CSMD1: variants seen among roughly 807,000 people sequenced by gnomAD.
CSMD1 encodes CUB and Sushi multiple domains 1, also known as CUB and sushi domain-containing protein 1.
Under a neutral mutation model 417.5 loss-of-function variants are expected in CSMD1, and 213 were observed. The ratio of observed to expected loss-of-function variants is 0.51; its 90% confidence interval spans 0.46 to 0.57. The LOEUF (loss-of-function observed/expected upper bound fraction) is 0.57, where lower values mean the gene tolerates loss of function less well. Among genes scored for constraint, CSMD1 ranks in the 20% least tolerant of loss-of-function variants. The pLI is 0.00. For synonymous variants in CSMD1, 2,862 were observed against 1,736.8 expected (o/e 1.65, Z -16.11); for missense variants, 6,923 against 4,529.7 (o/e 1.53, Z -15.17).
chr8:3,622,962 A>G (rs542194781), intron 7 of CSMD1, among the ~76,000 whole-genome samples: 9 of 152,228 alleles, frequency 5.9e-5, no homozygotes, highest in Non-Finnish European at 1.2e-4. Flanking sequence ...TTGTTGAATT[A>G]TATCTTTTCA....
At position 3,409,528 on chromosome 8, in the gene CSMD1, C is replaced by G. The variant is rs772952922; in HGVS notation, c.1639G>C (p.Asp547His). ...KRTGSSFLHG[D>H]TLTFECPAAF... Reference sequence around the variant, plus strand: ...GCCGGGCATTCAAAGGTGAGTGTATCTCCATGGAGGAAACTGCTGCCCGTC... The same window carrying G: ...GCCGGGCATTCAAAGGTGAGTGTATGTCCATGGAGGAAACTGCTGCCCGTC... Residue 547 changes from aspartate to histidine, a missense_variant, in exon 13 of 70, where the codon GAT (aspartate) becomes CAT (histidine). Physicochemically the swap from Asp to His is moderately conservative, Grantham distance 81. Transcript: ENST00000635120. The G allele has an allele frequency of 2.9e-5, 46 of 1,611,338 alleles. 3 individuals are homozygous for G. In the South Asian group the frequency reaches 4.3e-4, roughly 15 times the overall value.
chr8:4,294,138 G>C (rs903581336), intron 3 of CSMD1, among the ~76,000 whole-genome samples: 1 of 152,144 alleles, frequency 6.6e-6, no homozygotes, highest in East Asian at 1.9e-4. Context: ...ACTGACGTCT[G>C]ATTAACCCCG....
intron 1 of CSMD1, among the ~76,000 whole-genome samples, chr8:4,821,983 A>T (rs1214378056): frequency 6.6e-6 from 1 of 152,038 alleles, no homozygotes. Context: ...CGTAAAATAA[A>T]GTTCCTCTGT....
chr8:3,679,287 C>T (rs1799532884), intron 7 of CSMD1, among the ~76,000 whole-genome samples: 2 of 152,070 alleles, frequency 1.3e-5, no homozygotes, highest in Admixed American at 1.3e-4. Flanking sequence ...ATTCAGGAAA[C>T]CCATCTCATG....
intron 37 of CSMD1, among the ~76,000 whole-genome samples, chr8:3,175,309 T>G (rs1029022263): frequency 6.6e-6 from 1 of 152,194 alleles, no homozygotes; most frequent in Non-Finnish European, 1.5e-5. Flanking sequence ...TTACCTCTTT[T>G]TTCCTCATAA....
intron 4 of CSMD1, among the ~76,000 whole-genome samples, chr8:4,012,063 C>A (rs959811161): frequency 6.6e-6 from 1 of 151,994 alleles, no homozygotes; most frequent in South Asian, 2.1e-4. Context: ...ACAGATGCAG[C>A]CATCATATGC....
chr8:4,097,775 A>C (rs1472866645), intron 3 of CSMD1, among the ~76,000 whole-genome samples: 1 of 152,214 alleles, frequency 6.6e-6, no homozygotes, highest in Non-Finnish European at 1.5e-5. Flanking sequence ...GTAAGTACGA[A>C]CATTAGTTTT....
intron 2 of CSMD1, among the ~76,000 whole-genome samples, chr8:4,430,914 A>G (rs1314811105): frequency 1.3e-5 from 2 of 152,194 alleles, no homozygotes; most frequent in Non-Finnish European, 2.9e-5. Flanking sequence ...AGGATCCATA[A>G]ATTATCTTAA....
At chr8:4,032,262 C>T (rs1367032940) in intron 3 of CSMD1, among the ~76,000 whole-genome samples, 163 bp from the exon 4 acceptor site, 1 of 152,182 alleles carries the variant, frequency 6.6e-6, no homozygotes, top group Non-Finnish European at 1.5e-5. Context: ...AAAATGTCTT[C>T]AGGTTTTAGA....
chr8:3,521,367 G>C (rs1207439623), intron 10 of CSMD1, among the ~76,000 whole-genome samples: 1 of 152,016 alleles, frequency 6.6e-6, no homozygotes. Context: ...CTCCCATGAT[G>C]TCAGCCCTGT....
At chr8:4,096,077 G>A (rs1444600803) in intron 3 of CSMD1, among the ~76,000 whole-genome samples, 1 of 152,180 alleles carries the variant, frequency 6.6e-6, no homozygotes, top group Admixed American at 6.5e-5. Context: ...GTTGTTTTAT[G>A]TTATATGTTA....
chr8:4,383,369 G>T (rs548773762), intron 3 of CSMD1, among the ~76,000 whole-genome samples: 2 of 152,128 alleles, frequency 1.3e-5, no homozygotes, highest in South Asian at 4.1e-4. Context: ...TTTTGCTTAT[G>T]GAAATGTTTA....
chr8:4,737,497 A>G (rs1161893268), intron 1 of CSMD1, among the ~76,000 whole-genome samples: 1 of 152,148 alleles, frequency 6.6e-6, no homozygotes, highest in Non-Finnish European at 1.5e-5. Flanking sequence ...TAAAATAACA[A>G]TTAAAAAAAA....
At chr8:4,062,865 G>C (rs1364876298) in intron 3 of CSMD1, among the ~76,000 whole-genome samples, 2 of 151,390 alleles carry the variant, frequency 1.3e-5, no homozygotes, top group Non-Finnish European at 2.9e-5. Flanking sequence ...AGAAATGAAA[G>C]CCTGTACGTA....
intron 2 of CSMD1, among the ~76,000 whole-genome samples, chr8:4,582,606 A>G (rs894004837): frequency 1.3e-5 from 2 of 152,200 alleles, no homozygotes; most frequent in Non-Finnish European, 2.9e-5. Context: ...AGGGCTACAC[A>G]TTAGCAAGGA....
At chr8:2,987,562 C>G (rs985635443) in intron 54 of CSMD1, among the ~76,000 whole-genome samples, 13 of 152,054 alleles carry the variant, frequency 8.5e-5, no homozygotes, top group Non-Finnish European at 4.4e-5. Context: ...TGATACAGTA[C>G]TTCTCTTCGG....
chr8:4,544,566 G>T (rs866970505), intron 2 of CSMD1, among the ~76,000 whole-genome samples: 1 of 152,002 alleles, frequency 6.6e-6, no homozygotes, highest in South Asian at 2.1e-4. Context: ...GACACAGAAG[G>T]AAAAATTTAT....
intron 2 of CSMD1, among the ~76,000 whole-genome samples, chr8:4,580,043 A>G (rs17070649): frequency 0.06 from 9,094 of 152,296 alleles, 936 homozygotes; most frequent in African/African-American, 0.21. Flanking sequence ...ACTGTGACCA[A>G]CCTACATGAG....
At chr8:3,308,925 A>G (rs995373451) in intron 23 of CSMD1, among the ~76,000 whole-genome samples, 20 of 151,940 alleles carry the variant, frequency 1.3e-4, no homozygotes, top group African/African-American at 4.6e-4. Context: ...GGGTTTCACT[A>G]TGTTGGCCAG....
Sources: gnomAD v4.1 joint callset for allele counts (sites outside exome capture counted in the v4.1 genomes callset) on GRCh38, gnomAD v4.1.1 for gene constraint, MANE v1.5 for transcripts, NCBI Gene and HGNC (gene_info 2026-07-23, HGNC 2026-07-21) for gene names.